SENP7: variants seen among roughly 807,000 people sequenced by gnomAD.
The protein encoded by SENP7 is SUMO specific peptidase 7.
A neutral mutation model predicts 141.2 loss-of-function variants in SENP7; 64 were observed. The observed-to-expected ratio is 0.45, with a 90% CI of 0.37 to 0.56. SENP7 has a LOEUF of 0.56. Among genes scored for constraint, SENP7 ranks in the 20% least tolerant of loss-of-function variants. The probability of loss-of-function intolerance (pLI) is 0.00; values close to 1 mark genes in which losing one functional copy is unlikely to be tolerated. For synonymous variants in SENP7, 382 were observed against 426.4 expected (o/e 0.90, Z 1.28); for missense variants, 1,025 against 1,212.2 (o/e 0.85, Z 2.29).
intron 3 of SENP7, among the ~76,000 whole-genome samples, chr3:101,467,795 G>A (rs551679912): frequency 2.0e-5 from 3 of 152,256 alleles, no homozygotes; most frequent in Non-Finnish European, 4.4e-5. Context: ...GGAGCACCTC[G>A]TCTCCTCCAA....
At chr3:101,481,904 A>G (rs1416293784) in intron 3 of SENP7, among the ~76,000 whole-genome samples, 1 of 152,236 alleles carries the variant, frequency 6.6e-6, no homozygotes, top group East Asian at 1.9e-4. Flanking sequence ...AATTACAGCG[A>G]GGTTGCATGA....
At chr3:101,509,691 C>T (rs1379020502) in intron 1 of SENP7, among the ~76,000 whole-genome samples, 1 of 152,166 alleles carries the variant, frequency 6.6e-6, no homozygotes, top group East Asian at 1.9e-4. Flanking sequence ...ATTCATTACA[C>T]TTTCAATGCA....
chr3:101,339,189 T>C (rs2059265972), intron 16 of SENP7, among the ~76,000 whole-genome samples: 1 of 152,212 alleles, frequency 6.6e-6, no homozygotes, highest in African/African-American at 2.4e-5. Flanking sequence ...TGTGAGACTT[T>C]GACCTGAGTT....
At chr3:101,370,143 G>T (rs2060137572) in intron 7 of SENP7, among the ~76,000 whole-genome samples, 1 of 152,014 alleles carries the variant, frequency 6.6e-6, no homozygotes, top group Non-Finnish European at 1.5e-5. Context: ...GTACCTTCAG[G>T]GATACTGAAA....
At chr3:101,410,242 C>CT (rs1031567606) in intron 5 of SENP7, among the ~76,000 whole-genome samples, 2 of 152,138 alleles carry the variant, frequency 1.3e-5, no homozygotes, top group Admixed American at 6.5e-5. Flanking sequence ...GCGGTACCAC[C>CT]TTATTCCTGC....
chr3:101,497,227 C>CAGAA (rs1227519002), intron 2 of SENP7, among the ~76,000 whole-genome samples: 1 of 151,932 alleles, frequency 6.6e-6, no homozygotes, highest in Non-Finnish European at 1.5e-5. Flanking sequence ...GATAGAGATA[C>CAGAA]AGAAATAAAT....
In SENP7 at chr3:101,436,864, G is replaced by A. The variant is rs554001248; in HGVS notation, c.285-19074C>T. Among the ~76,000 whole-genome samples, 72 of 152,296 alleles carry A rather than the reference G, an allele frequency of 4.7e-4. 1 individual carries two copies. The highest frequency in any genetic ancestry group is 9.2e-4 in the Admixed American group (14 of 15,298). ...TTAATATAACCACTATGGAAAACACGTTGGAGGTTCCTTAAAAAACTGAAA... is the reference window on the plus strand; with the variant it reads ...TTAATATAACCACTATGGAAAACACATTGGAGGTTCCTTAAAAAACTGAAA... On this transcript the variant is annotated intron_variant, in intron 4 of 23. Coordinates refer to ENST00000394095, the MANE Select transcript of SENP7 (RefSeq NM_020654.5).
At chr3:101,383,392 C>T (rs543473349) in intron 6 of SENP7, among the ~76,000 whole-genome samples, 62 of 152,324 alleles carry the variant, frequency 4.1e-4, no homozygotes, top group African/African-American at 1.5e-3. Context: ...CTGGTGGGAG[C>T]TGGGAACAGG....
At chr3:101,441,323 A>C (rs2062662648) in intron 4 of SENP7, among the ~76,000 whole-genome samples, 1 of 152,128 alleles carries the variant, frequency 6.6e-6, no homozygotes, top group Admixed American at 6.5e-5. Flanking sequence ...ACACCCATGC[A>C]CACCACCTGG....
intron 3 of SENP7, among the ~76,000 whole-genome samples, chr3:101,470,244 G>A (rs1404297119): frequency 3.3e-5 from 5 of 152,096 alleles, no homozygotes; most frequent in Non-Finnish European, 5.9e-5. Flanking sequence ...AACTGAAGGA[G>A]ATAGAGACAC....
intron 4 of SENP7, among the ~76,000 whole-genome samples, chr3:101,423,828 C>A (rs1383464101): frequency 6.6e-6 from 1 of 152,116 alleles, no homozygotes; most frequent in Non-Finnish European, 1.5e-5. Context: ...AGGGGCAATC[C>A]ACTCTCCCGA....
chr3:101,488,561 G>T (rs2064825622), intron 3 of SENP7, among the ~76,000 whole-genome samples: 1 of 152,186 alleles, frequency 6.6e-6, no homozygotes, highest in African/African-American at 2.4e-5. Flanking sequence ...TGACATGCAG[G>T]CCAGGCGCGG....
At chr3:101,406,961 A>G (rs2061324534) in intron 5 of SENP7, among the ~76,000 whole-genome samples, 1 of 152,230 alleles carries the variant, frequency 6.6e-6, no homozygotes, top group East Asian at 1.9e-4. Context: ...TTTTGTATGC[A>G]GCGAAACTAA....
At chr3:101,353,563 C>T (rs2059664678) in intron 11 of SENP7, among the ~76,000 whole-genome samples, 1 of 152,046 alleles carries the variant, frequency 6.6e-6, no homozygotes, top group East Asian at 1.9e-4. Flanking sequence ...AAACCTAGTT[C>T]TCTGAAATCA....
intron 5 of SENP7, chr3:101,414,558 T>C (rs2061552812): frequency 2.5e-6 from 4 of 1,604,194 alleles, no homozygotes; most frequent in East Asian, 4.5e-5. Flanking sequence ...TGACCAAGTG[T>C]GTGGATGACC....
At chr3:101,408,138 G>A (rs1423909736) in intron 5 of SENP7, among the ~76,000 whole-genome samples, 2 of 151,996 alleles carry the variant, frequency 1.3e-5, no homozygotes, top group Non-Finnish European at 2.9e-5. Context: ...GATCATTCAA[G>A]GCTACTATAA....
chr3:101,369,909 A>G (rs892242876), intron 7 of SENP7, among the ~76,000 whole-genome samples: 6 of 152,234 alleles, frequency 3.9e-5, no homozygotes, highest in African/African-American at 1.4e-4. Flanking sequence ...CTGTAAACAA[A>G]AGAATACTAA....
chr3:101,437,512 C>A (rs7648141), intron 4 of SENP7, among the ~76,000 whole-genome samples: 19,610 of 151,692 alleles, frequency 0.13, 1,825 homozygotes, highest in African/African-American at 0.27. Context: ...TATGTACCCA[C>A]AAAAAAATTT....
intron 3 of SENP7, among the ~76,000 whole-genome samples, chr3:101,478,216 A>C (rs1029321077): frequency 7.2e-5 from 11 of 152,064 alleles, no homozygotes; most frequent in African/African-American, 2.2e-4. Context: ...CCCAATAACA[A>C]ATAACAAGAC....
Sources: allele counts gnomAD v4.1 joint callset (sites outside exome capture counted in the v4.1 genomes callset), GRCh38; gene constraint gnomAD v4.1.1; transcripts MANE v1.5; gene names NCBI Gene and HGNC (gene_info 2026-07-23, HGNC 2026-07-21).